ARHGAP45: variants seen among roughly 807,000 people sequenced by gnomAD.
The protein encoded by ARHGAP45 is Rho GTPase activating protein 45, also known as rho GTPase-activating protein 45.
Under a neutral mutation model 116.1 loss-of-function variants are expected in ARHGAP45, and 56 were observed. The ratio of observed to expected loss-of-function variants is 0.48; its 90% confidence interval spans 0.39 to 0.60. The LOEUF is 0.60. Among genes scored for constraint, ARHGAP45 ranks in the 20% least tolerant of loss-of-function variants. The pLI, the probability that ARHGAP45 is intolerant of heterozygous loss-of-function variation, is 0.00. For synonymous variants in ARHGAP45, 866 were observed against 701.7 expected, an observed-to-expected ratio of 1.23 and a Z score of -3.70; for missense variants, 1,622 against 1,601.0, an observed-to-expected ratio of 1.01 and a Z score of -0.22.
At chr19:1,078,102 G>A (rs72975505) in intron 11 of ARHGAP45, 57 bp downstream of exon 11, 515,265 of 1,507,116 alleles carry the variant, frequency 0.34, 92,100 homozygotes, top group Middle Eastern at 0.42. Context: ...CCAATGCTTG[G>A]TGTGACATTT....
chr19:1,076,918 G>A (rs1014698379), intron 10 of ARHGAP45: 14 of 533,540 alleles, frequency 2.6e-5, no homozygotes, highest in Non-Finnish European at 3.4e-5. Flanking sequence ...TTGTAGAGAT[G>A]GGGTCTCACT....
chr19:1,081,370 A>C, intron 17 of ARHGAP45, 180 bp from the exon 18 acceptor site: 1 of 685,634 alleles, frequency 1.5e-6, no homozygotes, highest in East Asian at 2.8e-5. Context: ...GAAGGAGAGG[A>C]GGCCACAGGG....
intron 22 of ARHGAP45, among the ~76,000 whole-genome samples, chr19:1,085,378 A>G (rs927887789): frequency 3.3e-5 from 5 of 152,156 alleles, no homozygotes; most frequent in African/African-American, 1.2e-4. Flanking sequence ...TATGGGAGCT[A>G]CAAGATGAGG....
In ARHGAP45 at chr19:1,071,492, G is replaced by T. The variant is rs1480507856; in HGVS notation, c.422-1657G>T. ...TGGCCGTGCGCACCTGGGCATCCCT[G>T]CGCTGCGCAGGGGTCGCGCCGGCCG... On this transcript the variant is annotated intron_variant, in intron 2 of 22. Coordinates refer to ENST00000313093, the MANE Select transcript of ARHGAP45 (RefSeq NM_012292.5). This position sits in a 1 kb window ranked among gnomAD's most constrained non-coding sequence, Gnocchi z 4.6. The T allele has an allele frequency of 1.5e-6, 1 of 675,110 alleles. No individual in the cohort carries two copies. The highest frequency in any genetic ancestry group is 1.0e-4 in the East Asian group (1 of 9,780). 41.8% of individuals were successfully genotyped at this position (675,110 alleles called of 1,614,324 possible).
At chr19:1,081,361 A>T (rs1599768887) in intron 17 of ARHGAP45, 189 bp from the exon 18 acceptor site, 1 of 668,022 alleles carries the variant, frequency 1.5e-6, no homozygotes. Context: ...AAGGGGCGGG[A>T]AGGAGAGGAG....
chr19:1,067,350 G>C lies in ARHGAP45; in HGVS notation c.-56G>C. ...GGTCCCGAAGCGGCCAGCGCCGGGA[G>C]CTGCAGCGCTGAGACCCCCAGCCCG... On this transcript the variant is annotated 5_prime_UTR_variant, in exon 1 of 23. Coordinates refer to ENST00000313093, the MANE Select transcript of ARHGAP45 (RefSeq NM_012292.5). 6.7e-7 allele frequency: 1 copy of C among 1,492,160 alleles called. No individual in the cohort carries two copies. Among genetic ancestry groups the C allele is most frequent in the South Asian group, 1.3e-5 (1 of 76,232 alleles). 92.4% of individuals were successfully genotyped at this position (1,492,160 alleles called of 1,614,324 possible). A position where few individuals can be genotyped will look rare whatever the true frequency, so the allele number is the denominator to read the frequency against.
chr19:1,080,115 C>T lies in ARHGAP45; in HGVS notation c.1700C>T (p.Ala567Val), dbSNP rs2043386802. The change falls in exon 13 of 23, where the codon GCC becomes GTC. Residue 567 changes from alanine (A) to valine (V), a missense_variant. Physicochemically the swap from Ala to Val is moderately conservative, Grantham distance 64. Transcript: ENST00000313093. ...YDFEPHVSAN[A>V]WSPVMRARKS... ...TTTGAGCCCCACGTCTCCGCCAACG[C>T]CTGGTACCGCCACCCAGCTGCCCTG... 2 of 1,611,520 alleles carry T rather than the reference C, an allele frequency of 1.2e-6. No individual in the cohort carries two copies. Among genetic ancestry groups the T allele is most frequent in the Non-Finnish European group, 1.7e-6 (2 of 1,179,420 alleles).
Position 1,073,999 on chromosome 19 carries a change from G to A in ARHGAP45, c.775G>A (p.Glu259Lys), listed in dbSNP as rs1456145319. The change falls in exon 6 of 23, where the codon GAA becomes AAA. Residue 259 changes from glutamate to lysine, a missense_variant. This residue lies in a region of ARHGAP45 where 1,334 missense variants were observed against 1,263.8 expected (regional missense o/e 1.06). Transcript: ENST00000313093. ...PGSEGTPPSL[E>K]DCDAGCLPAE... ...CAGTGAGGGCACGCCTCCCAGCCTG[G>A]AAGACTGTGACGCCGGTAAGCCCCC... 10 of 1,597,178 alleles carry A rather than the reference G, an allele frequency of 6.3e-6. No individual in the cohort carries two copies. Among genetic ancestry groups the A allele is most frequent in the African/African-American group, 2.7e-5 (2 of 74,412 alleles).
intron 13 of ARHGAP45, 31 bp from the exon 14 acceptor site, chr19:1,080,224 C>T (rs940881006): frequency 5.0e-6 from 8 of 1,611,548 alleles, no homozygotes; most frequent in Admixed American, 1.7e-5. Context: ...CCCCCATCAC[C>T]TCCCCTCCTT....
chr19:1,079,397 C>T (rs936254781), intron 11 of ARHGAP45, among the ~76,000 whole-genome samples: 1 of 148,596 alleles, frequency 6.7e-6, no homozygotes, highest in South Asian at 2.2e-4. Flanking sequence ...TAATCCGTTA[C>T]TTGGGAGGCT....
At chr19:1,081,477 G>A (rs1568478031) in intron 17 of ARHGAP45, 73 bp from the exon 18 acceptor site, 2 of 1,376,044 alleles carry the variant, frequency 1.5e-6, no homozygotes, top group Non-Finnish European at 1.9e-6. Flanking sequence ...CCGGGGAGGT[G>A]GGGTGGAGCC....
rs2043137850 is a variant in ARHGAP45 at position 1,071,348 on chromosome 19, G to C, written c.422-1801G>C. On this transcript the variant is annotated intron_variant, in intron 2 of 22. Coordinates refer to ENST00000313093, the MANE Select transcript of ARHGAP45 (RefSeq NM_012292.5). The surrounding 1 kb of genome is among the most constrained non-coding windows in gnomAD (Gnocchi z 4.6). ...ACGAGGGCCCCGTGCGCTGCCGGGC[G>C]GGCCCCCGAGGTGAGGGGACAGGTG... 4 of 1,340,408 alleles carry C rather than the reference G, an allele frequency of 3.0e-6. No individual in the cohort carries two copies. In the South Asian group the frequency reaches 6.8e-5, roughly 23 times the overall value. 83.0% of individuals were successfully genotyped at this position (1,340,408 alleles called of 1,614,324 possible).
rs1271056659 is a variant in ARHGAP45, at chr19:1,071,249, C to G, written c.422-1900C>G. 4.7e-6 allele frequency: 7 copies of G among 1,478,746 alleles called. No homozygotes were observed. The South Asian group carries it at 8.7e-5, about 18-fold the overall frequency. 91.6% of individuals were successfully genotyped at this position (1,478,746 alleles called of 1,614,324 possible). ...AGACCCCCATCGGTCAGCTGCCAGG[C>G]CCCACGCGCTCGCGGTCTCCGCGCC... On this transcript the variant is annotated intron_variant, in intron 2 of 22. Coordinates refer to ENST00000313093, the MANE Select transcript of ARHGAP45 (RefSeq NM_012292.5). This position sits in a 1 kb window ranked among gnomAD's most constrained non-coding sequence, Gnocchi z 4.6.
At chr19:1,076,520 A>G (rs1453792924) in intron 10 of ARHGAP45, among the ~76,000 whole-genome samples, 3 of 116,398 alleles carry the variant, frequency 2.6e-5, no homozygotes, top group Non-Finnish European at 4.9e-5. Flanking sequence ...TTTTGAGACA[A>G]GAGCCTCACT....
At chr19:1,085,430 T>C (rs1299540050) in intron 22 of ARHGAP45, among the ~76,000 whole-genome samples, 2 of 151,914 alleles carry the variant, frequency 1.3e-5, no homozygotes, top group Non-Finnish European at 2.9e-5. Flanking sequence ...AACACCTCTC[T>C]CCTTCCGTTT....
Position 1,068,637 on chromosome 19 carries a change from C to G in ARHGAP45, c.314C>G (p.Thr105Ser). 5.0e-6 allele frequency: 8 copies of G among 1,612,360 alleles called. No homozygotes were observed. The highest frequency in any genetic ancestry group is 6.8e-6 in the Non-Finnish European group (8 of 1,179,834). Residue 105 changes from threonine (T) to serine (S), a missense_variant, in exon 2 of 23, where the codon ACC becomes AGC. Around this residue, in one of 3 missense-constraint regions of ARHGAP45, gnomAD observed 279 missense variants for 311.9 expected, o/e 0.89. Coordinates refer to ENST00000313093, the MANE Select transcript of ARHGAP45 (RefSeq NM_012292.5). The surrounding 1 kb of genome is among the most constrained non-coding windows in gnomAD (Gnocchi z 7.5). ...LTAASPGELP[T>S]EGAGPDVVED... ...GCCGCCAGCCCGGGCGAGCTGCCCA[C>G]CGAGGGTGCCGGCCCGGACGTCGTC...
chr19:1,080,488 A>G lies in ARHGAP45; in HGVS notation c.1853A>G (p.Lys618Arg), dbSNP rs2043400303. The change falls in exon 15 of 23, where the codon AAG becomes AGG. Residue 618 changes from lysine to arginine, a missense_variant. By Grantham distance (26) the Lys-to-Arg change is conservative. Transcript: ENST00000313093. ...GCCGGGCGAGGACACCAGGTTCACA[A>G]GTCATGGCCGCTCTCGATCTCAGAC... ...HRAGRGHQVH[K>R]SWPLSISDSD... is the part of the protein sequence containing the mutation. The G allele has an allele frequency of 1.9e-6, 3 of 1,612,738 alleles. No individual in the cohort carries two copies. The highest frequency in any genetic ancestry group is 1.7e-5 in the Admixed American group (1 of 59,984).
chr19:1,075,448 G>A (rs777198063), intron 10 of ARHGAP45, among the ~76,000 whole-genome samples: 2 of 151,848 alleles, frequency 1.3e-5, no homozygotes, highest in Non-Finnish European at 2.9e-5. Flanking sequence ...TTTCACCATA[G>A]TGGTCAGGCT....
rs543928286 is a variant in ARHGAP45, at chr19:1,083,496, T to C, written c.2955+143T>C. The stretch of plus-strand genomic sequence containing the variant: ...GACAGGGCTGTTCGGGAGGCCACTG[T>C]CTTTTTGTGTCTTTTATGCAAAAAA... On this transcript the variant is annotated intron_variant, in intron 21 of 22. Transcript: ENST00000313093. 27 of 688,564 alleles carry C rather than the reference T, an allele frequency of 3.9e-5. No individual in the cohort carries two copies. The South Asian group carries it at 5.0e-4, about 13-fold the overall frequency. The allele number at this position is 688,564 out of a possible 1,614,324, so 42.7% of individuals were successfully genotyped here.
Sources: allele counts gnomAD v4.1 joint callset (sites outside exome capture counted in the v4.1 genomes callset), GRCh38; gene constraint gnomAD v4.1.1; regional missense constraint gnomAD v4.1.1; non-coding constraint Gnocchi (gnomAD v3.1); transcripts MANE v1.5; gene names NCBI Gene and HGNC (gene_info 2026-07-23, HGNC 2026-07-21).